Variants in ZNF208 observed in about 807,000 individuals in gnomAD.
ZNF208 encodes zinc finger protein 208, also known as zinc finger protein 95.
In ZNF208, 10 loss-of-function variants were observed where a neutral mutation model predicts 12.1. That is an observed-to-expected ratio of 0.83 (90% confidence interval 0.51 to 1.40). The LOEUF (loss-of-function observed/expected upper bound fraction) is 1.40. Ranked by LOEUF, ZNF208 falls within the 40% of genes most tolerant of loss-of-function variation. The probability of loss-of-function intolerance (pLI) is 0.00; values close to 1 mark genes in which losing one functional copy is unlikely to be tolerated. For synonymous variants in ZNF208, 497 were observed against 488.4 expected (o/e 1.02, Z -0.23); for missense variants, 1,652 against 1,485.0 (o/e 1.11, Z -1.85).
rs878996138 is a variant in ZNF208 at position 21,972,796 on chromosome 19, C to T, written c.2238G>A (p.Glu746=). The T allele has an allele frequency of 1.2e-6, 2 of 1,611,892 alleles. No individual in the cohort carries two copies. Among genetic ancestry groups the T allele is most frequent in the Non-Finnish European group, 8.5e-7 (1 of 1,179,798 alleles). Residue 746 remains glutamate, a synonymous_variant, in exon 4 of 4, where the codon GAG becomes GAA. Transcript: ENST00000397126. ...LTKHKVIHTG[E]KPYKCEECGK... ...CACATTCTTCACATTTGTAGGGTTT[C>T]TCTCCAGTATGAATTACCTTATGTT...
intron 4 of ZNF208, among the ~76,000 whole-genome samples, chr19:21,946,994 A>G (rs943512633): frequency 2.0e-5 from 3 of 147,922 alleles, no homozygotes; most frequent in African/African-American, 7.5e-5. Flanking sequence ...TTTGGTACCT[A>G]TAATTTCTCC....
At position 21,975,851 on chromosome 19, in the gene ZNF208, A is replaced by AAAAAAAAAAAAAAAAAAAAAG. The variant is rs377638519; in HGVS notation, c.227-1045_227-1044insCTTTTTTTTTTTTTTTTTTTT. Among the ~76,000 whole-genome samples the AAAAAAAAAAAAAAAAAAAAAG allele has an allele frequency of 4.4e-5, 4 of 91,868 alleles. 1 individual carries two copies. Among genetic ancestry groups the AAAAAAAAAAAAAAAAAAAAAG allele is most frequent in the African/African-American group, 1.8e-4 (4 of 21,952 alleles). 60.3% of individuals were successfully genotyped at this position (91,868 alleles called of 152,430 possible). On this transcript the variant is annotated intron_variant, in intron 3 of 3. Coordinates refer to ENST00000397126, the MANE Select transcript of ZNF208 (RefSeq NM_007153.3). Reference sequence around the variant, plus strand: ...AAAAAAAAAAAAAAAAAAAAAAAAAAGCTATCAAGTGAGAATAATACCATC... The same window carrying AAAAAAAAAAAAAAAAAAAAAG: ...AAAAAAAAAAAAAAAAAAAAAAAAAAAAAAAAAAAAAAAAAAAAAAGGCTATCAAGTGAGAATAATACCATC...
At chr19:22,001,892 C>CAAAAAAGAAAAAAAAAAAAA (rs1970956426) in intron 1 of ZNF208, among the ~76,000 whole-genome samples, 1 of 74,106 alleles carries the variant, frequency 1.3e-5, no homozygotes, top group Non-Finnish European at 2.7e-5. Context: ...GACTCCATCC[C>CAAAAAAGAAAAAAAAAAAAA]AAAAAAAAAA....
At chr19:21,985,043 T>C (rs1970610444) in intron 3 of ZNF208, among the ~76,000 whole-genome samples, 1 of 144,234 alleles carries the variant, frequency 6.9e-6, no homozygotes, top group African/African-American at 2.7e-5. Context: ...TAATCTGAAA[T>C]ATAAATATAC....
At position 21,972,909 on chromosome 19, in the gene ZNF208, T is replaced by C. The variant is rs751901614; in HGVS notation, c.2125A>G (p.Met709Val). Reference protein sequence around the residue: ...GKAFNWSSNLMEHKRIHTGEK... With the variant: ...GKAFNWSSNLVEHKRIHTGEK... ...CCAGTATGAATTCTCTTATGTTCCATAAGGTTTGAGGACCAGTTGAAAGCT... is the reference window on the plus strand; with the variant it reads ...CCAGTATGAATTCTCTTATGTTCCACAAGGTTTGAGGACCAGTTGAAAGCT... Residue 709 changes from methionine (M) to valine (V), a missense_variant, in exon 4 of 4, where the codon ATG (methionine) becomes GTG (valine). Physicochemically the swap from Met to Val is conservative, Grantham distance 21. Coordinates refer to ENST00000397126, the MANE Select transcript of ZNF208 (RefSeq NM_007153.3). The C allele has an allele frequency of 6.2e-6, 10 of 1,613,352 alleles. No homozygotes were observed. The Admixed American group carries it at 1.5e-4, about 24-fold the overall frequency.
chr19:21,972,800 C>G lies in ZNF208; in HGVS notation c.2234G>C (p.Gly745Ala), dbSNP rs763924394. The part of the protein sequence containing the change: ...VLTKHKVIHT[G>A]EKPYKCEECG... ...TTCTTCACATTTGTAGGGTTTCTCT[C>G]CAGTATGAATTACCTTATGTTTAGT... The change falls in exon 4 of 4, where the codon GGA becomes GCA. Residue 745 changes from glycine to alanine, a missense_variant. Coordinates refer to ENST00000397126, the MANE Select transcript of ZNF208 (RefSeq NM_007153.3). The G allele has an allele frequency of 6.2e-7, 1 of 1,611,558 alleles. No homozygotes were observed. Among genetic ancestry groups the G allele is most frequent in the Admixed American group, 1.7e-5 (1 of 59,828 alleles).
chr19:21,984,895 G>C (rs1310596579), intron 3 of ZNF208, among the ~76,000 whole-genome samples: 1 of 152,068 alleles, frequency 6.6e-6, no homozygotes, highest in Non-Finnish European at 1.5e-5. Context: ...TGAAAAATCA[G>C]ACTAAAGAAA....
intron 1 of ZNF208, among the ~76,000 whole-genome samples, chr19:22,001,917 A>AAAAAAAAAAAAAAG (rs1970959917): frequency 2.2e-5 from 3 of 138,256 alleles, no homozygotes; most frequent in African/African-American, 8.1e-5. Context: ...AAAAAAAAAA[A>AAAAAAAAAAAAAAG]AAAAGAAAAA....
At chr19:21,994,605 CT>C (rs1970797099) in intron 1 of ZNF208, among the ~76,000 whole-genome samples, 1 of 151,838 alleles carries the variant, frequency 6.6e-6, no homozygotes, top group African/African-American at 2.4e-5. Flanking sequence ...TAATTTTAAT[CT>C]TTTTTAGCCA....
Position 21,972,957 on chromosome 19 carries a change from A to T in ZNF208, c.2077T>A (p.Tyr693Asn). Reference protein sequence around the residue: ...HKVIHTGEKPYKCEECGKAFN... With the variant: ...HKVIHTGEKPNKCEECGKAFN... Reference sequence around the variant, plus strand: ...GCTTTGCCACATTCTTCACATTTGTAGGGTTTCTCTCCAGTATGAATTACC... The same window carrying T: ...GCTTTGCCACATTCTTCACATTTGTTGGGTTTCTCTCCAGTATGAATTACC... Residue 693 changes from tyrosine (Y) to asparagine (N), a missense_variant, in exon 4 of 4, where the codon TAC (tyrosine) becomes AAC (asparagine). Around this residue, in one of 3 missense-constraint regions of ZNF208, gnomAD observed 1,239 missense variants for 1,086.2 expected, o/e 1.14. Transcript: ENST00000397126. 6.2e-7 allele frequency: 1 copy of T among 1,613,800 alleles called. No individual in the cohort carries two copies. Among genetic ancestry groups the T allele is most frequent in the Non-Finnish European group, 8.5e-7 (1 of 1,179,922 alleles).
At chr19:21,982,696 C>G (rs1178831708) in intron 3 of ZNF208, among the ~76,000 whole-genome samples, 1 of 152,112 alleles carries the variant, frequency 6.6e-6, no homozygotes, top group Non-Finnish European at 1.5e-5. Context: ...ACAAAGGCCT[C>G]AGAAATAACA....
At chr19:22,008,428 C>G (rs1011822257) in intron 1 of ZNF208, among the ~76,000 whole-genome samples, 2 of 152,030 alleles carry the variant, frequency 1.3e-5, no homozygotes, top group African/African-American at 2.4e-5. Flanking sequence ...GAGAGATTCT[C>G]CCACCCCATC....
intron 3 of ZNF208, among the ~76,000 whole-genome samples, chr19:21,975,409 AG>A (rs1970410856): frequency 6.6e-6 from 1 of 152,284 alleles, no homozygotes; most frequent in Non-Finnish European, 1.5e-5. Flanking sequence ...TTCAGAAGAA[AG>A]ATAAATAATC....
At chr19:21,991,103 C>T (rs1481046742) in intron 1 of ZNF208, among the ~76,000 whole-genome samples, 3 of 152,144 alleles carry the variant, frequency 2.0e-5, no homozygotes, top group Non-Finnish European at 4.4e-5. Context: ...TTATTTCCTT[C>T]TCCTGCCTAA....
intron 1 of ZNF208, among the ~76,000 whole-genome samples, chr19:22,001,892 C>A (rs1246400625): frequency 0.013 from 982 of 74,028 alleles, 187 homozygotes; most frequent in African/African-American, 0.03. Flanking sequence ...GACTCCATCC[C>A]AAAAAAAAAA....
At chr19:21,940,087 A>G (rs1259668696) in intron 4 of ZNF208, 1 of 152,212 alleles carries the variant, frequency 6.6e-6, no homozygotes, top group East Asian at 1.9e-4. Context: ...GTGGCAGATC[A>G]CGAGGTGGGG....
chr19:21,956,952 A>C (rs1309795653), intron 4 of ZNF208, among the ~76,000 whole-genome samples: 2 of 152,194 alleles, frequency 1.3e-5, no homozygotes, highest in East Asian at 3.8e-4. Flanking sequence ...GTCCCTATTC[A>C]GACATCTTGG....
At chr19:21,982,353 A>G (rs1359721198) in intron 3 of ZNF208, among the ~76,000 whole-genome samples, 1 of 75,168 alleles carries the variant, frequency 1.3e-5, no homozygotes, top group Non-Finnish European at 2.9e-5. Context: ...GCGAGACTCC[A>G]TCTCAAAAAA....
intron 4 of ZNF208, among the ~76,000 whole-genome samples, chr19:21,952,510 G>A (rs1442811745): frequency 6.6e-6 from 1 of 152,228 alleles, no homozygotes; most frequent in Non-Finnish European, 1.5e-5. Context: ...TGCAGCCTCT[G>A]CTGGTGATAC....
Sources: gnomAD v4.1 joint callset for allele counts (sites outside exome capture counted in the v4.1 genomes callset) on GRCh38, gnomAD v4.1.1 for gene constraint, gnomAD v4.1.1 regional missense constraint, MANE v1.5 for transcripts, NCBI Gene and HGNC (gene_info 2026-07-23, HGNC 2026-07-21) for gene names.